The following NFIL3 variants were observed in gnomAD, a reference collection of about 807,000 sequenced individuals.
NFIL3 encodes the protein nuclear factor, interleukin 3 regulated.
Under a neutral mutation model 10.0 loss-of-function variants are expected in NFIL3, and 5 were observed. That is an observed-to-expected ratio of 0.50 (90% CI 0.26 to 1.06). The LOEUF (loss-of-function observed/expected upper bound fraction) is 1.06. Among genes scored for constraint, NFIL3 ranks in the 50% least tolerant of loss-of-function variants. The pLI is 0.13. For missense variants in NFIL3, 436 were observed against 547.6 expected, an observed-to-expected ratio of 0.80 and a Z score of 2.03; for synonymous variants, 202 against 206.5, an observed-to-expected ratio of 0.98 and a Z score of 0.19.
upstream of NFIL3, among the ~76,000 whole-genome samples, chr9:91,424,073 G>A (rs1385266300): frequency 2.0e-5 from 3 of 148,354 alleles, no homozygotes; most frequent in Non-Finnish European, 4.5e-5. Flanking sequence ...ACCGCCGTCC[G>A]AGCGCCCGCG....
At chr9:91,466,975 A>G in the NFIL3 span, among the ~76,000 whole-genome samples, 1 of 152,198 alleles carries the variant, frequency 6.6e-6, no homozygotes, top group Non-Finnish European at 1.5e-5. Context: ...AGACTTTAAA[A>G]GAAAAAAGAA....
the NFIL3 span, among the ~76,000 whole-genome samples, chr9:91,470,889 T>C: frequency 7.9e-5 from 12 of 152,182 alleles, no homozygotes; most frequent in African/African-American, 1.2e-4. Context: ...GAGAGAAAGT[T>C]TGTTGTGATT....
At chr9:91,473,216 G>A in the NFIL3 span, among the ~76,000 whole-genome samples, 8 of 152,226 alleles carry the variant, frequency 5.3e-5, no homozygotes, top group African/African-American at 1.9e-4. Flanking sequence ...ACTCTGTGCT[G>A]GGAGAACACT....
chr9:91,413,657 CT>C (rs1405031896), intron 1 of NFIL3, among the ~76,000 whole-genome samples: 1 of 152,214 alleles, frequency 6.6e-6, no homozygotes, highest in Non-Finnish European at 1.5e-5. Context: ...AGTCTGCACT[CT>C]GCCATTCAGC....
At chr9:91,464,909 T>C in the NFIL3 span, among the ~76,000 whole-genome samples, 2 of 152,272 alleles carry the variant, frequency 1.3e-5, no homozygotes, top group Admixed American at 1.3e-4. Flanking sequence ...ATCTTTGCTC[T>C]CTTAGCGTTA....
the NFIL3 span, among the ~76,000 whole-genome samples, chr9:91,453,275 A>G: frequency 4.6e-5 from 7 of 152,048 alleles, no homozygotes; most frequent in Non-Finnish European, 1.0e-4. Flanking sequence ...TGACCTCATT[A>G]TAACTTAATT....
chr9:91,437,599 T>C, the NFIL3 span, among the ~76,000 whole-genome samples: 92 of 152,374 alleles, frequency 6.0e-4, no homozygotes, highest in Middle Eastern at 0.014. Context: ...ATTTGATCTC[T>C]AGACTTGTTC....
intron 1 of NFIL3, among the ~76,000 whole-genome samples, chr9:91,421,155 G>T (rs1286848206): frequency 6.6e-6 from 1 of 151,806 alleles, no homozygotes; most frequent in East Asian, 1.9e-4. Context: ...CAGGCCCCTG[G>T]ATTTGCCCTG....
the NFIL3 span, among the ~76,000 whole-genome samples, chr9:91,457,851 GT>G: frequency 1.3e-5 from 2 of 151,966 alleles, no homozygotes; most frequent in Admixed American, 6.6e-5. Flanking sequence ...TTTATTCCAA[GT>G]TTTTTGCAAG....
At chr9:91,433,933 G>A in the NFIL3 span, among the ~76,000 whole-genome samples, 1 of 151,744 alleles carries the variant, frequency 6.6e-6, no homozygotes, top group Non-Finnish European at 1.5e-5. Flanking sequence ...CTAACAAAAA[G>A]GTACAAGCTA....
At chr9:91,411,604 T>C (rs1271416464) in intron 1 of NFIL3, among the ~76,000 whole-genome samples, 2 of 152,216 alleles carry the variant, frequency 1.3e-5, no homozygotes, top group Non-Finnish European at 2.9e-5. Flanking sequence ...GGTGACTCAC[T>C]GCAACTAAAT....
intron 1 of NFIL3, among the ~76,000 whole-genome samples, chr9:91,414,250 C>G (rs775206992): frequency 4.6e-5 from 7 of 152,218 alleles, no homozygotes; most frequent in Non-Finnish European, 5.9e-5. Flanking sequence ...GTTGCCCAGG[C>G]TGGAGTGCAA....
chr9:91,456,611 T>C, the NFIL3 span, among the ~76,000 whole-genome samples: 3 of 152,274 alleles, frequency 2.0e-5, no homozygotes, highest in East Asian at 5.8e-4. Flanking sequence ...CTTTATCAGA[T>C]TGACGGTTTG....
At chr9:91,453,264 A>C in the NFIL3 span, among the ~76,000 whole-genome samples, 1 of 152,036 alleles carries the variant, frequency 6.6e-6, no homozygotes, top group South Asian at 2.1e-4. Flanking sequence ...GCCCACACTA[A>C]TGACCTCATT....
At chr9:91,466,636 C>A in the NFIL3 span, among the ~76,000 whole-genome samples, 1 of 152,096 alleles carries the variant, frequency 6.6e-6, no homozygotes, top group Non-Finnish European at 1.5e-5. Context: ...GTAAACATCA[C>A]CCAAGAACGT....
At chr9:91,473,742 T>C in the NFIL3 span, among the ~76,000 whole-genome samples, 1 of 152,238 alleles carries the variant, frequency 6.6e-6, no homozygotes, top group Non-Finnish European at 1.5e-5. Context: ...CCCAGTGAGA[T>C]GAACCAGGTA....
At chr9:91,424,252 G>C (rs1448782157), upstream of NFIL3, among the ~76,000 whole-genome samples, 1 of 152,126 alleles carries the variant, frequency 6.6e-6, no homozygotes, top group East Asian at 1.9e-4. Context: ...CGCTCCCCGC[G>C]ACCCTCACTT....
At chr9:91,474,265 T>C in the NFIL3 span, among the ~76,000 whole-genome samples, 1 of 152,180 alleles carries the variant, frequency 6.6e-6, no homozygotes, top group East Asian at 1.9e-4. Flanking sequence ...TTTTTGAATA[T>C]TGACCTGTCT....
chr9:91,465,251 A>T, the NFIL3 span, among the ~76,000 whole-genome samples: 2 of 152,100 alleles, frequency 1.3e-5, no homozygotes, highest in Non-Finnish European at 2.9e-5. Context: ...ATATTGTCCC[A>T]AAGTTCTTGG....
Sources: gnomAD v4.1 joint callset for allele counts (sites outside exome capture counted in the v4.1 genomes callset) on GRCh38, gnomAD v4.1.1 for gene constraint, MANE v1.5 for transcripts, NCBI Gene and HGNC (gene_info 2026-07-23, HGNC 2026-07-21) for gene names.